Variants in SLC30A4 observed in about 807,000 individuals in gnomAD.
The protein encoded by SLC30A4 is probable proton-coupled zinc antiporter SLC30A4.
Under a neutral mutation model 41.7 loss-of-function variants are expected in SLC30A4, and 20 were observed. That is an observed-to-expected ratio of 0.48 (90% confidence interval 0.34 to 0.70). The LOEUF is 0.70. SLC30A4 is among the 30% of genes least tolerant of loss of function. SLC30A4 has a pLI of 0.01. For missense variants in SLC30A4, 441 were observed against 529.3 expected (o/e 0.83, Z 1.64); for synonymous variants, 181 against 195.9 (o/e 0.92, Z 0.64).
intron 3 of SLC30A4, among the ~76,000 whole-genome samples, chr15:45,499,617 A>G (rs1465661955): frequency 6.6e-6 from 1 of 152,098 alleles, no homozygotes; most frequent in Non-Finnish European, 1.5e-5. Context: ...TTAGAATGGC[A>G]TTTCCTCTTT....
Position 45,522,674 on chromosome 15 carries a change from GC to G in SLC30A4, c.-183del. The stretch of plus-strand genomic sequence containing the variant: ...GGCCGGCTCAGCGAGGCGGGCTCGC[GC>G]TGCTCCACCCGCGGCCGCAGGAGAG... On this transcript the variant is annotated 5_prime_UTR_variant, in exon 1 of 8. Transcript: ENST00000261867. The G allele has an allele frequency of 4.6e-6, 1 of 217,510 alleles. No individual in the cohort carries two copies. The highest frequency in any genetic ancestry group is 8.9e-6 in the Non-Finnish European group (1 of 112,436). 13.5% of individuals were successfully genotyped at this position (217,510 alleles called of 1,614,324 possible).
Position 45,500,675 on chromosome 15 carries a change from T to G in SLC30A4, c.539-9794A>C, listed in dbSNP as rs1251163681. On this transcript the variant is annotated intron_variant, in intron 3 of 7. Transcript: ENST00000261867. ...ATCTATCTATCTATATGTTTTTGTTTTATTTTTATTTTTTTATTTTTTTTG... is the reference window on the plus strand; with the variant it reads ...ATCTATCTATCTATATGTTTTTGTTGTATTTTTATTTTTTTATTTTTTTTG... Among the ~76,000 whole-genome samples, 3 of 151,950 alleles carry G rather than the reference T, an allele frequency of 2.0e-5. No homozygotes were observed. In the East Asian group the frequency reaches 5.8e-4, roughly 29 times the overall value.
In SLC30A4 at chr15:45,484,385, T is replaced by A. The variant is rs900966762; in HGVS notation, c.*778A>T. On this transcript the variant is annotated 3_prime_UTR_variant, in exon 8 of 8. Transcript: ENST00000261867. ...AACCCCCATCCTCGCTCTTTTATTTTGTTTTAAATCATCATATAGTAATTT... is the reference window on the plus strand; with the variant it reads ...AACCCCCATCCTCGCTCTTTTATTTAGTTTTAAATCATCATATAGTAATTT... 2.0e-5 allele frequency: 3 copies of A among 152,244 alleles called. No individual in the cohort carries two copies. Among genetic ancestry groups the A allele is most frequent in the Non-Finnish European group, 4.4e-5 (3 of 68,036 alleles). 9.4% of individuals were successfully genotyped at this position (152,244 alleles called of 1,614,324 possible). A position where few individuals can be genotyped will look rare whatever the true frequency, so the allele number is the denominator to read the frequency against.
chr15:45,493,326 T>A (rs1891846705), intron 3 of SLC30A4, among the ~76,000 whole-genome samples: 1 of 152,176 alleles, frequency 6.6e-6, no homozygotes, highest in African/African-American at 2.4e-5. Flanking sequence ...AAGGAATATT[T>A]TTCCTTTAGA....
chr15:45,506,014 C>A (rs567093694), intron 3 of SLC30A4, among the ~76,000 whole-genome samples: 5 of 152,114 alleles, frequency 3.3e-5, no homozygotes, highest in African/African-American at 1.2e-4. Context: ...GAGTTTGCAA[C>A]CAGCCTGGGA....
chr15:45,519,468 C>T (rs967618658), intron 2 of SLC30A4: 1 of 152,210 alleles, frequency 6.6e-6, no homozygotes, highest in Non-Finnish European at 1.5e-5. Flanking sequence ...CTCCTAACCT[C>T]AAGTGAGCCG....
chr15:45,483,021 GGAT>G lies in SLC30A4; in HGVS notation c.*2139_*2141del, dbSNP rs1282608239. 6.6e-6 allele frequency: 1 copy of G among 152,002 alleles called. No homozygotes were observed. Among genetic ancestry groups the G allele is most frequent in the Admixed American group, 6.6e-5 (1 of 15,252 alleles). 9.4% of individuals were successfully genotyped at this position (152,002 alleles called of 1,614,324 possible). A position where few individuals can be genotyped will look rare whatever the true frequency, so the allele number is the denominator to read the frequency against. ...CTGGTCATGAACTCTTGGCCTCGAG[GGAT>G]ACTTCCACCTTTGCCTCCCCAAATG... On this transcript the variant is annotated 3_prime_UTR_variant, in exon 8 of 8. Coordinates refer to ENST00000261867, the MANE Select transcript of SLC30A4 (RefSeq NM_013309.6).
chr15:45,522,388 T>G lies in SLC30A4; in HGVS notation c.-34A>C. The stretch of plus-strand genomic sequence containing the variant: ...CTGAGCGGCCGCGGTGCGGAACGGC[T>G]TGGGGGAGGCGGACGGCCGGCGGCG... On this transcript the variant is annotated 5_prime_UTR_variant, in exon 2 of 8. Coordinates refer to ENST00000261867, the MANE Select transcript of SLC30A4 (RefSeq NM_013309.6). 3.9e-6 allele frequency: 6 copies of G among 1,546,008 alleles called. No individual in the cohort carries two copies. The highest frequency in any genetic ancestry group is 4.3e-6 in the Non-Finnish European group (5 of 1,152,616).
In SLC30A4 at chr15:45,511,271, T is replaced by G. The variant is rs769534643; in HGVS notation, c.405A>C (p.Ala135=). The part of the protein sequence containing the change: ...MIGELVGGYI[A]NSLAIMTDAL... Reference sequence around the variant, plus strand: ...CATCTGTCATGATTGCTAGGCTATTTGCAATGTATCCACCTTAGAGTTACA... The same window carrying G: ...CATCTGTCATGATTGCTAGGCTATTGGCAATGTATCCACCTTAGAGTTACA... Residue 135 remains alanine (A), a synonymous_variant, in exon 3 of 8, where the codon GCA becomes GCC. Coordinates refer to ENST00000261867, the MANE Select transcript of SLC30A4 (RefSeq NM_013309.6). 2.5e-6 allele frequency: 4 copies of G among 1,605,472 alleles called. No homozygotes were observed. In the East Asian group the frequency reaches 8.9e-5, roughly 36 times the overall value.
chr15:45,491,487 GA>G (rs1195466744), intron 3 of SLC30A4, among the ~76,000 whole-genome samples: 3 of 152,222 alleles, frequency 2.0e-5, no homozygotes, highest in African/African-American at 7.2e-5. Flanking sequence ...AACACTTTGG[GA>G]GGCTGAGACG....
Position 45,485,186 on chromosome 15 carries a change from T to G in SLC30A4, c.1267A>C (p.Asn423His), listed in dbSNP as rs1468875989. The change falls in exon 8 of 8, where the codon AAT becomes CAT. Residue 423 changes from asparagine to histidine, a missense_variant. Coordinates refer to ENST00000261867, the MANE Select transcript of SLC30A4 (RefSeq NM_013309.6). The stretch of plus-strand genomic sequence containing the variant: ...AATTAGGGACTAGAACTCTGACAAT[T>G]TGCACAAGTTCTGTCCACTTCTTGC... ...YRQEVDRTCA[N>H]CQSSSP is the part of the protein sequence containing the mutation. 6.2e-7 allele frequency: 1 copy of G among 1,612,304 alleles called. No individual in the cohort carries two copies. The highest frequency in any genetic ancestry group is 1.7e-5 in the Admixed American group (1 of 59,632).
intron 7 of SLC30A4, 63 bp from the exon 8 acceptor site, chr15:45,485,380 G>A: frequency 8.7e-6 from 10 of 1,147,988 alleles, no homozygotes; most frequent in Admixed American, 4.8e-5. Flanking sequence ...TAAGATACAG[G>A]GAAAAAAACA....
intron 3 of SLC30A4, among the ~76,000 whole-genome samples, chr15:45,506,773 C>T (rs1892164253): frequency 6.6e-6 from 1 of 152,110 alleles, no homozygotes; most frequent in African/African-American, 2.4e-5. Flanking sequence ...TCAGGAAATA[C>T]CTATCTATCT....
chr15:45,516,292 T>C (rs1438083675), intron 2 of SLC30A4, among the ~76,000 whole-genome samples: 2 of 152,178 alleles, frequency 1.3e-5, no homozygotes, highest in African/African-American at 4.8e-5. Flanking sequence ...TAAAATATGG[T>C]CCCTGGATCA....
chr15:45,492,657 G>T (rs1891832128), intron 3 of SLC30A4, among the ~76,000 whole-genome samples: 1 of 151,860 alleles, frequency 6.6e-6, no homozygotes, highest in South Asian at 2.1e-4. Flanking sequence ...GCTTATTCTG[G>T]TAAGGAATAA....
intron 3 of SLC30A4, among the ~76,000 whole-genome samples, chr15:45,504,711 T>G (rs1892112320): frequency 6.6e-6 from 1 of 152,340 alleles, no homozygotes; most frequent in South Asian, 2.1e-4. Flanking sequence ...TTTACAAATA[T>G]TAACTCATTT....
At position 45,484,491 on chromosome 15, in the gene SLC30A4, T is replaced by C. The variant is rs191217663; in HGVS notation, c.*672A>G. 6.6e-6 allele frequency: 1 copy of C among 152,158 alleles called. No homozygotes were observed. Among genetic ancestry groups the C allele is most frequent in the African/African-American group, 2.4e-5 (1 of 41,446 alleles). 9.4% of individuals were successfully genotyped at this position (152,158 alleles called of 1,614,324 possible). On this transcript the variant is annotated 3_prime_UTR_variant, in exon 8 of 8. Transcript: ENST00000261867. ...ATTTAATAACAGTGACCACAATAAA[T>C]AAAGATTTGGTTCTAAGATTACAAA... is the stretch of plus-strand genomic sequence containing the variant.
At position 45,521,974 on chromosome 15, in the gene SLC30A4, T is replaced by C; in HGVS notation, c.381A>G (p.Gly127=). 4 of 1,612,888 alleles carry C rather than the reference T, an allele frequency of 2.5e-6. No individual in the cohort carries two copies. The East Asian group carries it at 8.9e-5, about 36-fold the overall frequency. ...AAVLYLLFMI[G]ELVGGYIANS... ...GGCAACACAACTCACCTACAAGTTC[T>C]CCAATCATGAAAAGCAAGTACAGAA... The change falls in exon 2 of 8, where the codon GGA becomes GGG. Residue 127 remains glycine, a synonymous_variant. Coordinates refer to ENST00000261867, the MANE Select transcript of SLC30A4 (RefSeq NM_013309.6).
At chr15:45,491,156 G>A (rs546600958) in intron 3 of SLC30A4, among the ~76,000 whole-genome samples, 22 of 151,998 alleles carry the variant, frequency 1.4e-4, no homozygotes, top group Non-Finnish European at 2.2e-4. Flanking sequence ...CAAGTAGCTG[G>A]TACTATAGGC....
Sources: gnomAD v4.1 joint callset for allele counts (sites outside exome capture counted in the v4.1 genomes callset) on GRCh38, gnomAD v4.1.1 for gene constraint, MANE v1.5 for transcripts, NCBI Gene and HGNC (gene_info 2026-07-23, HGNC 2026-07-21) for gene names.